Variants in SLC4A8 observed in about 807,000 individuals in gnomAD.
SLC4A8 encodes electroneutral sodium bicarbonate exchanger 1.
SLC4A8 carries 40 observed loss-of-function variants against 125.0 expected under a neutral mutation model. That is an observed-to-expected ratio of 0.32 (90% CI 0.25 to 0.42). The LOEUF (loss-of-function observed/expected upper bound fraction) is 0.42. Ranked by LOEUF, SLC4A8 falls within the 10% of genes least tolerant of loss-of-function variation. The pLI is 1.00. For synonymous variants in SLC4A8, 456 were observed against 476.0 expected (o/e 0.96, Z 0.55); for missense variants, 863 against 1,355.1 (o/e 0.64, Z 5.70).
chr12:51,400,022 G>A (rs546352617), intron 1 of SLC4A8, among the ~76,000 whole-genome samples: 42 of 151,832 alleles, frequency 2.8e-4, no homozygotes, highest in African/African-American at 9.9e-4. Context: ...CTGTCCAAAG[G>A]TAGCACAGAG....
Position 51,478,098 on chromosome 12 carries a change from AC to A in SLC4A8, c.2172+2895del, listed in dbSNP as rs558161678. ...AGACCATCCTGGCTAACATGGTGAA[AC>A]CCTGTCTCTACTAAAAATACAAAAA... On this transcript the variant is annotated intron_variant, in intron 16 of 24. Coordinates refer to ENST00000453097, the MANE Select transcript of SLC4A8 (RefSeq NM_001039960.3). Among the ~76,000 whole-genome samples the A allele has an allele frequency of 6.6e-3, 1,009 of 152,180 alleles. 5 individuals are homozygous for A. The highest frequency in any genetic ancestry group is 0.023 in the African/African-American group (964 of 41,502).
At chr12:51,480,795 T>G (rs1228416526) in intron 16 of SLC4A8, among the ~76,000 whole-genome samples, 4 of 152,224 alleles carry the variant, frequency 2.6e-5, no homozygotes, top group Non-Finnish European at 5.9e-5. Context: ...TTGACTTGGT[T>G]GTTTTCTCCT....
At chr12:51,423,102 A>G (rs901783507), upstream of SLC4A8, among the ~76,000 whole-genome samples, 1 of 152,208 alleles carries the variant, frequency 6.6e-6, no homozygotes, top group Non-Finnish European at 1.5e-5. Context: ...AGTACTTTCT[A>G]TGTGCCTGGG....
intron 9 of SLC4A8, 82 bp from the exon 10 acceptor site, chr12:51,462,228 A>G (rs1950349569): frequency 7.8e-7 from 1 of 1,277,404 alleles, no homozygotes; most frequent in Admixed American, 1.7e-5. Flanking sequence ...AACAGGTTGT[A>G]TTCATTTTTC....
intron 1 of SLC4A8, among the ~76,000 whole-genome samples, chr12:51,431,821 G>C (rs1054079562): frequency 4.6e-5 from 7 of 152,122 alleles, no homozygotes; most frequent in African/African-American, 1.7e-4. Flanking sequence ...CAGGGTTCTG[G>C]AGCGCCAAGG....
At chr12:51,468,119 G>A (rs1004145559) in intron 11 of SLC4A8, among the ~76,000 whole-genome samples, 1 of 152,092 alleles carries the variant, frequency 6.6e-6, no homozygotes, top group African/African-American at 2.4e-5. Context: ...ATAAAATGCC[G>A]AGTGGCTCTT....
At chr12:51,393,393 C>T (rs1349450181) in intron 1 of SLC4A8, among the ~76,000 whole-genome samples, 1 of 152,082 alleles carries the variant, frequency 6.6e-6, no homozygotes, top group Non-Finnish European at 1.5e-5. Flanking sequence ...CCGAGTCCAG[C>T]CATGAATTTG....
At chr12:51,411,637 C>T (rs993952080) in intron 1 of SLC4A8, among the ~76,000 whole-genome samples, 17 of 152,030 alleles carry the variant, frequency 1.1e-4, no homozygotes, top group African/African-American at 4.1e-4. Context: ...CTTTTTCTAA[C>T]TTTTTGAGTT....
intron 2 of SLC4A8, among the ~76,000 whole-genome samples, chr12:51,443,431 G>A (rs757500456): frequency 6.6e-6 from 1 of 152,026 alleles, no homozygotes; most frequent in Non-Finnish European, 1.5e-5. Flanking sequence ...TTTTTAATAT[G>A]TGAGAAGAGT....
At chr12:51,433,375 C>T (rs946389676) in intron 1 of SLC4A8, among the ~76,000 whole-genome samples, 3 of 152,178 alleles carry the variant, frequency 2.0e-5, no homozygotes, top group Non-Finnish European at 1.5e-5. Context: ...AAAGAGGATA[C>T]TCAGAAATAG....
Position 51,513,603 on chromosome 12 carries a change from C to G in SLC4A8, c.*6165C>G, listed in dbSNP as rs970210564. On this transcript the variant is annotated 3_prime_UTR_variant, in exon 25 of 25. Coordinates refer to ENST00000453097, the MANE Select transcript of SLC4A8 (RefSeq NM_001039960.3). ...CTGAGTAGCTGGGACTATAGGCGCG[C>G]ACCACCATGCCCAGCTAATTTTTGT... 3.9e-5 allele frequency: 6 copies of G among 152,300 alleles called. No individual in the cohort carries two copies. The highest frequency in any genetic ancestry group is 1.2e-4 in the African/African-American group (5 of 41,456). The allele number at this position is 152,300 out of a possible 1,614,324, so 9.4% of individuals were successfully genotyped here. A position where few individuals can be genotyped will look rare whatever the true frequency, so the allele number is the denominator to read the frequency against.
intron 2 of SLC4A8, chr12:51,440,994 C>A: frequency 9.7e-7 from 1 of 1,035,920 alleles, no homozygotes; most frequent in Non-Finnish European, 1.3e-6. Context: ...TCATTAGGAT[C>A]TAATTGCCTA....
chr12:51,472,348 G>C (rs1950722267), intron 14 of SLC4A8, among the ~76,000 whole-genome samples: 1 of 152,134 alleles, frequency 6.6e-6, no homozygotes, highest in Admixed American at 6.5e-5. Flanking sequence ...ACACTTTCTG[G>C]AGGCATCTGC....
intron 2 of SLC4A8, among the ~76,000 whole-genome samples, chr12:51,447,474 A>G (rs1293207827): frequency 6.6e-6 from 1 of 152,164 alleles, no homozygotes; most frequent in Non-Finnish European, 1.5e-5. Flanking sequence ...ATGCATCTGC[A>G]GTGCATCTTG....
chr12:51,477,841 A>G (rs2138342581), intron 16 of SLC4A8, among the ~76,000 whole-genome samples: 1 of 152,286 alleles, frequency 6.6e-6, no homozygotes, highest in Non-Finnish European at 1.5e-5. Flanking sequence ...TAAGAATTTC[A>G]GATATGGCCA....
intron 17 of SLC4A8, among the ~76,000 whole-genome samples, chr12:51,487,630 G>A (rs557698115): frequency 6.6e-6 from 1 of 152,180 alleles, no homozygotes; most frequent in Non-Finnish European, 1.5e-5. Context: ...CTGCAGGGGT[G>A]GGGTAAGGAT....
At chr12:51,492,767 C>T (rs1484878280) in intron 19 of SLC4A8, among the ~76,000 whole-genome samples, 1 of 152,070 alleles carries the variant, frequency 6.6e-6, no homozygotes, top group African/African-American at 2.4e-5. Context: ...TGGTTTGCTG[C>T]ACCTGTCAAC....
intron 14 of SLC4A8, 193 bp downstream of exon 14, chr12:51,471,725 A>G (rs1194899193): frequency 1.6e-6 from 1 of 611,148 alleles, no homozygotes; most frequent in Non-Finnish European, 2.8e-6. Flanking sequence ...GACAGAGAAG[A>G]TCGACTAGAA....
Position 51,475,094 on chromosome 12 carries a change from A to G in SLC4A8, c.2060A>G (p.His687Arg). ...TTCATGGGATCTGCGTGCGGCCATC[A>G]TGGACCCTACACTCCTGATGTCCTC... is the stretch of plus-strand genomic sequence containing the variant. ...GEFMGSACGH[H>R]GPYTPDVLFW... The change falls in exon 16 of 25, where the codon CAT becomes CGT. Residue 687 changes from histidine (H) to arginine (R), a missense_variant. His to Arg is a conservative substitution (Grantham distance 29). Coordinates refer to ENST00000453097, the MANE Select transcript of SLC4A8 (RefSeq NM_001039960.3). 1 of 1,613,944 alleles carries G rather than the reference A, an allele frequency of 6.2e-7. No homozygotes were observed. Among genetic ancestry groups the G allele is most frequent in the Non-Finnish European group, 8.5e-7 (1 of 1,179,916 alleles).
Sources: gnomAD v4.1 joint callset for allele counts (sites outside exome capture counted in the v4.1 genomes callset) on GRCh38, gnomAD v4.1.1 for gene constraint, MANE v1.5 for transcripts, NCBI Gene and HGNC (gene_info 2026-07-23, HGNC 2026-07-21) for gene names.